Variants in CSMD1 observed in about 807,000 individuals in gnomAD.
The protein encoded by CSMD1 is CUB and Sushi multiple domains 1, also known as CUB and sushi domain-containing protein 1.
CSMD1 carries 213 observed loss-of-function variants against 417.5 expected under a neutral mutation model. The ratio of observed to expected loss-of-function variants is 0.51; its 90% CI spans 0.46 to 0.57. CSMD1 has a LOEUF of 0.57. CSMD1 is among the 20% of genes least tolerant of loss of function. CSMD1 has a pLI of 0.00. For missense variants in CSMD1, 6,923 were observed against 4,529.7 expected, an observed-to-expected ratio of 1.53 and a Z score of -15.17; for synonymous variants, 2,862 against 1,736.8, an observed-to-expected ratio of 1.65 and a Z score of -16.11.
chr8:3,993,167 C>T (rs536392326), intron 5 of CSMD1, among the ~76,000 whole-genome samples: 95 of 152,308 alleles, frequency 6.2e-4, no homozygotes, highest in African/African-American at 2.1e-3. Flanking sequence ...AAGATGTTCA[C>T]ATGAAGGAAG....
chr8:3,493,455 C>G (rs753164095), intron 11 of CSMD1, among the ~76,000 whole-genome samples, 168 bp downstream of exon 11: 2 of 152,078 alleles, frequency 1.3e-5, no homozygotes, highest in African/African-American at 4.8e-5. Flanking sequence ...AAATTATACT[C>G]ATAATGTGTT....
intron 27 of CSMD1, among the ~76,000 whole-genome samples, chr8:3,227,038 G>A (rs761951050): frequency 6.6e-6 from 1 of 152,110 alleles, no homozygotes; most frequent in African/African-American, 2.4e-5. Context: ...TTTTCTGTGA[G>A]TCAGAGAAAA....
intron 2 of CSMD1, among the ~76,000 whole-genome samples, chr8:4,561,941 C>G (rs961547690): frequency 2.0e-5 from 3 of 152,176 alleles, no homozygotes; most frequent in Non-Finnish European, 4.4e-5. Context: ...GGCGTTTAGA[C>G]ACTGCCAGCC....
At chr8:4,069,554 C>G (rs1009659871) in intron 3 of CSMD1, among the ~76,000 whole-genome samples, 1 of 152,220 alleles carries the variant, frequency 6.6e-6, no homozygotes, top group Non-Finnish European at 1.5e-5. Flanking sequence ...CTCTCCGCCT[C>G]CCATTCACAG....
chr8:4,172,373 A>T (rs564257073), intron 3 of CSMD1, among the ~76,000 whole-genome samples: 8 of 152,250 alleles, frequency 5.3e-5, no homozygotes, highest in South Asian at 2.1e-4. Context: ...ACCTATAATT[A>T]AATCAAATCC....
chr8:4,072,366 T>C (rs1799604076), intron 3 of CSMD1, among the ~76,000 whole-genome samples: 1 of 152,182 alleles, frequency 6.6e-6, no homozygotes, highest in South Asian at 2.1e-4. Flanking sequence ...TTTTCAATAA[T>C]AGCTACCTGC....
chr8:3,600,345 C>A (rs964371598), intron 8 of CSMD1, among the ~76,000 whole-genome samples: 3 of 152,260 alleles, frequency 2.0e-5, no homozygotes, highest in Admixed American at 1.3e-4. Flanking sequence ...GATTTATTAC[C>A]TTTAGATCCT....
At chr8:4,094,613 G>A (rs149612070) in intron 3 of CSMD1, among the ~76,000 whole-genome samples, 1 of 152,110 alleles carries the variant, frequency 6.6e-6, no homozygotes, top group Non-Finnish European at 1.5e-5. Flanking sequence ...GGTCAGAGGA[G>A]AGGCGTGTGT....
At chr8:4,067,770 T>C (rs1196727442) in intron 3 of CSMD1, among the ~76,000 whole-genome samples, 1 of 152,182 alleles carries the variant, frequency 6.6e-6, no homozygotes, top group East Asian at 1.9e-4. Context: ...TATGAACGTT[T>C]TCCTGTAAAC....
chr8:3,828,987 C>A (rs192717037), intron 5 of CSMD1, among the ~76,000 whole-genome samples: 2 of 152,246 alleles, frequency 1.3e-5, no homozygotes, highest in African/African-American at 4.8e-5. Context: ...GGTTTTTACC[C>A]CAGCTGTTTC....
At chr8:4,085,277 A>G (rs1005234687) in intron 3 of CSMD1, among the ~76,000 whole-genome samples, 1 of 152,164 alleles carries the variant, frequency 6.6e-6, no homozygotes, top group Non-Finnish European at 1.5e-5. Flanking sequence ...CTGTGCATAG[A>G]ATAAGAACAT....
At chr8:4,058,020 C>T (rs559047301) in intron 3 of CSMD1, among the ~76,000 whole-genome samples, 1 of 151,456 alleles carries the variant, frequency 6.6e-6, no homozygotes, top group African/African-American at 2.4e-5. Context: ...AATGTGGGCT[C>T]TTTTTTGGTT....
chr8:3,712,434 CAGACAGACAGAGAGAG>C (rs1801579406), intron 6 of CSMD1, among the ~76,000 whole-genome samples: 2 of 129,502 alleles, frequency 1.5e-5, no homozygotes, highest in African/African-American at 2.7e-5. Flanking sequence ...GACAGACAGA[CAGACAGACAGAGAGAG>C]AGAGAAACTA....
intron 6 of CSMD1, among the ~76,000 whole-genome samples, chr8:3,737,295 G>T (rs1448932452): frequency 6.6e-6 from 1 of 152,120 alleles, no homozygotes; most frequent in Non-Finnish European, 1.5e-5. Flanking sequence ...AAATTGATGT[G>T]ACTTCCTTCA....
chr8:3,823,771 T>C (rs1054347254), intron 5 of CSMD1, among the ~76,000 whole-genome samples: 4 of 152,284 alleles, frequency 2.6e-5, no homozygotes, highest in Non-Finnish European at 4.4e-5. Flanking sequence ...TAAAATACTT[T>C]TGTCAGTCTT....
At position 4,730,607 on chromosome 8, in the gene CSMD1, G is replaced by A. The variant is rs556755081; in HGVS notation, c.86-93049C>T. Among the ~76,000 whole-genome samples the A allele has an allele frequency of 2.8e-3, 424 of 152,166 alleles. 3 individuals are homozygous for A. Among genetic ancestry groups the A allele is most frequent in the Middle Eastern group, 0.014 (4 of 294 alleles). On this transcript the variant is annotated intron_variant, in intron 1 of 69. Transcript: ENST00000635120. The stretch of plus-strand genomic sequence containing the variant: ...TACAAAAAAATTAGCCGGGCGTGGT[G>A]GCGGGCGCCTGTAGTCCCAGCTACT...
At chr8:4,615,822 T>C (rs1026755528) in intron 2 of CSMD1, among the ~76,000 whole-genome samples, 1 of 152,198 alleles carries the variant, frequency 6.6e-6, no homozygotes, top group Non-Finnish European at 1.5e-5. Context: ...CCTGATAATC[T>C]ATCAAAACCT....
chr8:3,731,067 G>A (rs745876204), intron 6 of CSMD1, among the ~76,000 whole-genome samples: 9 of 152,016 alleles, frequency 5.9e-5, no homozygotes, highest in South Asian at 2.1e-4. Flanking sequence ...TTTTTCCTAC[G>A]TCCTTATACA....
chr8:3,899,511 G>C (rs1377011031), intron 5 of CSMD1, among the ~76,000 whole-genome samples: 2 of 152,110 alleles, frequency 1.3e-5, no homozygotes, highest in African/African-American at 4.8e-5. Flanking sequence ...CCCTCATTTT[G>C]GATGCTGTCA....
Sources: gnomAD v4.1 joint callset for allele counts (sites outside exome capture counted in the v4.1 genomes callset) on GRCh38, gnomAD v4.1.1 for gene constraint, MANE v1.5 for transcripts, NCBI Gene and HGNC (gene_info 2026-07-23, HGNC 2026-07-21) for gene names.